CSMD1: variants seen among roughly 807,000 people sequenced by gnomAD.
CSMD1 encodes CUB and sushi domain-containing protein 1.
In CSMD1, 213 loss-of-function variants were observed where a neutral mutation model predicts 417.5. The observed-to-expected ratio is 0.51, with a 90% CI of 0.46 to 0.57. The LOEUF is 0.57. CSMD1 is among the 20% of genes least tolerant of loss of function. The pLI is 0.00. For synonymous variants in CSMD1, 2,862 were observed against 1,736.8 expected (o/e 1.65, Z -16.11); for missense variants, 6,923 against 4,529.7 (o/e 1.53, Z -15.17).
At chr8:3,629,354 G>C (rs910038280) in intron 7 of CSMD1, among the ~76,000 whole-genome samples, 1 of 151,964 alleles carries the variant, frequency 6.6e-6, no homozygotes, top group Non-Finnish European at 1.5e-5. Flanking sequence ...CAGATACAGC[G>C]TCCTCCATTA....
intron 3 of CSMD1, among the ~76,000 whole-genome samples, chr8:4,059,749 G>T (rs4430121): frequency 0.11 from 17,325 of 151,926 alleles, 1,519 homozygotes; most frequent in East Asian, 0.35. Context: ...CCAGGAAGAA[G>T]TTGAATCTCT....
intron 5 of CSMD1, among the ~76,000 whole-genome samples, chr8:3,945,178 C>CAAAAAAA (rs138900503): frequency 2.8e-4 from 33 of 118,904 alleles, no homozygotes; most frequent in East Asian, 7.3e-4. Context: ...ATGAGAAAGA[C>CAAAAAAA]AAAAAAAAAA....
intron 1 of CSMD1, among the ~76,000 whole-genome samples, chr8:4,640,662 G>C (rs1050963689): frequency 6.6e-6 from 1 of 152,032 alleles, no homozygotes; most frequent in African/African-American, 2.4e-5. Context: ...TATTTTAATT[G>C]AATATTCTTA....
chr8:2,951,063 C>A lies in CSMD1; in HGVS notation c.10201+51G>T, dbSNP rs746417840. ...AGATCACCTCTCTGTGAAAAGATAA[C>A]AGGTCTATTTCTGCTCACACCATGC... On this transcript the variant is annotated intron_variant, in intron 66 of 69. Transcript: ENST00000635120. 3.8e-5 allele frequency: 59 copies of A among 1,554,980 alleles called. No homozygotes were observed. The East Asian group carries it at 9.7e-4, about 25-fold the overall frequency.
intron 5 of CSMD1, among the ~76,000 whole-genome samples, chr8:3,898,175 G>C (rs576577392): frequency 6.6e-6 from 1 of 152,036 alleles, no homozygotes; most frequent in Non-Finnish European, 1.5e-5. Flanking sequence ...ATCAATCCCT[G>C]CAAGCCATCC....
intron 3 of CSMD1, among the ~76,000 whole-genome samples, chr8:4,336,178 G>A (rs1250427784): frequency 1.3e-5 from 2 of 152,118 alleles, no homozygotes; most frequent in East Asian, 1.9e-4. Flanking sequence ...CTGGTTTGCG[G>A]TCAGCGCTGG....
intron 2 of CSMD1, among the ~76,000 whole-genome samples, chr8:4,476,474 T>G (rs1047068489): frequency 6.6e-6 from 1 of 152,218 alleles, no homozygotes; most frequent in Non-Finnish European, 1.5e-5. Flanking sequence ...TTGGGAATAC[T>G]CATCTGAATT....
At chr8:3,929,625 G>C (rs929652344) in intron 5 of CSMD1, among the ~76,000 whole-genome samples, 11 of 150,174 alleles carry the variant, frequency 7.3e-5, no homozygotes, top group African/African-American at 2.7e-4. Flanking sequence ...TTAAAAGGAA[G>C]AGTATATTGT....
At chr8:3,220,868 C>G (rs960129690) in intron 28 of CSMD1, among the ~76,000 whole-genome samples, 1 of 152,046 alleles carries the variant, frequency 6.6e-6, no homozygotes, top group African/African-American at 2.4e-5. Flanking sequence ...AGCAACCAAC[C>G]AATCCATCCA....
At chr8:3,436,077 G>A (rs1292525056) in intron 12 of CSMD1, among the ~76,000 whole-genome samples, 1 of 152,110 alleles carries the variant, frequency 6.6e-6, no homozygotes, top group Non-Finnish European at 1.5e-5. Context: ...TCACACTGCT[G>A]GTTCCACCCT....
chr8:3,822,336 A>G lies in CSMD1; in HGVS notation c.819-68294T>C, dbSNP rs115714923. ...TGTTTTAAATATCCCTGAAATCTTG[A>G]CATCAAGTACTTTAAAAGTCGTTGA... On this transcript the variant is annotated intron_variant, in intron 5 of 69. Coordinates refer to ENST00000635120, the MANE Select transcript of CSMD1 (RefSeq NM_033225.6). Among the ~76,000 whole-genome samples the G allele has an allele frequency of 4.7e-3, 716 of 152,292 alleles. 10 individuals are homozygous for G. Among genetic ancestry groups the G allele is most frequent in the African/African-American group, 0.016 (679 of 41,562 alleles).
intron 6 of CSMD1, among the ~76,000 whole-genome samples, chr8:3,741,375 T>A (rs17067294): frequency 0.34 from 51,125 of 151,872 alleles, 8,791 homozygotes; most frequent in Admixed American, 0.38. Flanking sequence ...CGAAGGGGAA[T>A]GTATCACAGG....
intron 2 of CSMD1, among the ~76,000 whole-genome samples, chr8:4,549,664 A>T (rs1367474367): frequency 6.6e-6 from 1 of 151,830 alleles, no homozygotes; most frequent in African/African-American, 2.4e-5. Context: ...TGAGGCAGGA[A>T]GATCACTTGA....
chr8:4,849,532 T>A (rs918731173), intron 1 of CSMD1, among the ~76,000 whole-genome samples: 1 of 152,214 alleles, frequency 6.6e-6, no homozygotes, highest in Non-Finnish European at 1.5e-5. Flanking sequence ...TACTTCCAGG[T>A]TGCAAACTCC....
intron 3 of CSMD1, among the ~76,000 whole-genome samples, chr8:4,316,705 T>C (rs73174214): frequency 0.12 from 18,133 of 152,094 alleles, 1,369 homozygotes; most frequent in Middle Eastern, 0.19. Context: ...TTTATGTGTT[T>C]CAAAATAATG....
chr8:3,690,271 A>G (rs1249766659), intron 7 of CSMD1, among the ~76,000 whole-genome samples: 1 of 152,192 alleles, frequency 6.6e-6, no homozygotes, highest in Non-Finnish European at 1.5e-5. Flanking sequence ...CTGAGTCAGA[A>G]GGATCGTTTG....
intron 41 of CSMD1, among the ~76,000 whole-genome samples, chr8:3,132,831 C>G (rs937405869): frequency 6.6e-6 from 1 of 152,158 alleles, no homozygotes; most frequent in South Asian, 2.1e-4. Flanking sequence ...AGGAGCTACA[C>G]AAGCTCCAAC....
chr8:4,072,072 C>G (rs928795067), intron 3 of CSMD1, among the ~76,000 whole-genome samples: 4 of 152,306 alleles, frequency 2.6e-5, no homozygotes, highest in Non-Finnish European at 5.9e-5. Context: ...GCCACCAGCA[C>G]TGACATGCTT....
intron 10 of CSMD1, among the ~76,000 whole-genome samples, chr8:3,508,010 T>A (rs892011360): frequency 5.9e-5 from 9 of 152,198 alleles, no homozygotes; most frequent in Non-Finnish European, 4.4e-5. Flanking sequence ...TCTTGAGTTT[T>A]ATTAGATCCC....
Sources: gnomAD v4.1 joint callset for allele counts (sites outside exome capture counted in the v4.1 genomes callset) on GRCh38, gnomAD v4.1.1 for gene constraint, MANE v1.5 for transcripts, NCBI Gene and HGNC (gene_info 2026-07-23, HGNC 2026-07-21) for gene names.